RBFOX3: variants seen among roughly 807,000 people sequenced by gnomAD.
The protein encoded by RBFOX3 is RNA binding protein fox-1 homolog 3.
Under a neutral mutation model 48.7 loss-of-function variants are expected in RBFOX3, and 17 were observed. The observed-to-expected ratio is 0.35, with a 90% CI of 0.24 to 0.52. RBFOX3 has a LOEUF of 0.52. Ranked by LOEUF, RBFOX3 falls within the 20% of genes least tolerant of loss-of-function variation. The pLI is 0.94. For synonymous variants in RBFOX3, 212 were observed against 209.5 expected (o/e 1.01, Z -0.10); for missense variants, 382 against 497.5 (o/e 0.77, Z 2.21).
At chr17:79,354,942 C>T (rs1048109687) in intron 2 of RBFOX3, among the ~76,000 whole-genome samples, 3 of 152,184 alleles carry the variant, frequency 2.0e-5, no homozygotes, top group East Asian at 1.9e-4. Context: ...GCACTTGGTT[C>T]GGCGTCAGCT....
intron 3 of RBFOX3, among the ~76,000 whole-genome samples, chr17:79,256,871 G>A (rs560359486): frequency 8.6e-5 from 13 of 151,946 alleles, no homozygotes; most frequent in South Asian, 2.1e-4. Flanking sequence ...GCAGTGAGCC[G>A]AGATTGTGCC....
chr17:79,209,110 C>T (rs553340552), intron 4 of RBFOX3, among the ~76,000 whole-genome samples: 5 of 152,352 alleles, frequency 3.3e-5, no homozygotes, highest in South Asian at 2.1e-4. Context: ...TGAGCCACCA[C>T]GCCCGGCCCC....
chr17:79,517,809 G>T (rs2085472554), intron 1 of RBFOX3, among the ~76,000 whole-genome samples: 1 of 152,166 alleles, frequency 6.6e-6, no homozygotes, highest in Admixed American at 6.5e-5. Flanking sequence ...TGAGACACAT[G>T]ATCTCCATCC....
chr17:79,450,211 G>T (rs2073213507), intron 2 of RBFOX3, among the ~76,000 whole-genome samples: 1 of 152,220 alleles, frequency 6.6e-6, no homozygotes, highest in Non-Finnish European at 1.5e-5. Flanking sequence ...ACTGTGGACT[G>T]CCCTCCCGCC....
chr17:79,332,867 A>G (rs1026770303), intron 2 of RBFOX3, among the ~76,000 whole-genome samples: 5 of 151,898 alleles, frequency 3.3e-5, no homozygotes, highest in Admixed American at 2.6e-4. Flanking sequence ...AGAGAGAGAC[A>G]GAAAAACAGA....
At chr17:79,467,997 C>CGTCAT (rs2076542190) in intron 2 of RBFOX3, among the ~76,000 whole-genome samples, 1 of 152,072 alleles carries the variant, frequency 6.6e-6, no homozygotes, top group African/African-American at 2.4e-5. Context: ...CCGAGGCAGA[C>CGTCAT]GTCATGCCTC....
intron 4 of RBFOX3, among the ~76,000 whole-genome samples, chr17:79,137,831 C>G (rs2040606343): frequency 6.6e-6 from 1 of 152,208 alleles, no homozygotes; most frequent in Non-Finnish European, 1.5e-5. Context: ...CACACTCTGC[C>G]TTCTCAGCAC....
chr17:79,415,415 T>C (rs2065179500), intron 2 of RBFOX3, among the ~76,000 whole-genome samples: 1 of 152,170 alleles, frequency 6.6e-6, no homozygotes, highest in Non-Finnish European at 1.5e-5. Flanking sequence ...AAGGGGGCAC[T>C]GTGCACCCCT....
At chr17:79,439,120 C>T (rs1023563792) in intron 2 of RBFOX3, among the ~76,000 whole-genome samples, 4 of 152,284 alleles carry the variant, frequency 2.6e-5, no homozygotes, top group East Asian at 1.9e-4. Context: ...CAGGGCCCGG[C>T]GTGATAAATA....
chr17:79,130,671 T>C (rs1195511762), intron 4 of RBFOX3, among the ~76,000 whole-genome samples: 2 of 152,252 alleles, frequency 1.3e-5, no homozygotes, highest in Non-Finnish European at 2.9e-5. Context: ...GGCCTCGGCA[T>C]GCAGCCTGCT....
intron 3 of RBFOX3, among the ~76,000 whole-genome samples, chr17:79,267,872 G>A (rs916823086): frequency 2.0e-5 from 3 of 152,174 alleles, no homozygotes; most frequent in Non-Finnish European, 2.9e-5. Flanking sequence ...CTAGGAACGC[G>A]CAAGGCAGAG....
At position 79,356,348 on chromosome 17, in the gene RBFOX3, G is replaced by GTTTTTTTTTTTTTT. The variant is rs58040659; in HGVS notation, c.-174-48538_-174-48525dup. Among the ~76,000 whole-genome samples the GTTTTTTTTTTTTTT allele has an allele frequency of 2.5e-3, 116 of 47,324 alleles. 19 individuals carry two copies. The highest frequency in any genetic ancestry group is 4.7e-3 in the East Asian group (7 of 1,496). 31.0% of individuals were successfully genotyped at this position (47,324 alleles called of 152,430 possible). A position where few individuals can be genotyped will look rare whatever the true frequency, so the allele number is the denominator to read the frequency against. The stretch of plus-strand genomic sequence containing the variant: ...ACTTTTTCACTTTTAAAACAGGGAA[G>GTTTTTTTTTTTTTT]TTTTTTTTTTTTTTTTTTTTTTTTT... On this transcript the variant is annotated intron_variant, in intron 2 of 14. Coordinates refer to ENST00000693108, the MANE Select transcript of RBFOX3 (RefSeq NM_001350451.2).
At chr17:79,213,709 C>T (rs1023062301) in intron 4 of RBFOX3, among the ~76,000 whole-genome samples, 7 of 152,254 alleles carry the variant, frequency 4.6e-5, no homozygotes, top group African/African-American at 1.4e-4. Context: ...ATCCACTCGG[C>T]ACCGCCAACA....
chr17:79,189,199 C>A (rs550095791), intron 4 of RBFOX3, among the ~76,000 whole-genome samples: 3 of 152,230 alleles, frequency 2.0e-5, no homozygotes, highest in East Asian at 1.9e-4. Flanking sequence ...TTTCAAAGAG[C>A]CTTCATGTAT....
At position 79,443,959 on chromosome 17, in the gene RBFOX3, G is replaced by C. The variant is rs2071696328; in HGVS notation, c.-175+38495C>G. ...CGTGACACTTCATCTCATGGTGCCTGAGACAGGCACTGCCATCCCTCTTCC... is the reference window on the plus strand; with the variant it reads ...CGTGACACTTCATCTCATGGTGCCTCAGACAGGCACTGCCATCCCTCTTCC... On this transcript the variant is annotated intron_variant, in intron 2 of 14. Coordinates refer to ENST00000693108, the MANE Select transcript of RBFOX3 (RefSeq NM_001350451.2). This position sits in a 1 kb window ranked among gnomAD's most constrained non-coding sequence, Gnocchi z 4.4. Among the ~76,000 whole-genome samples the C allele has an allele frequency of 6.6e-6, 1 of 152,156 alleles. No individual in the cohort carries two copies. The highest frequency in any genetic ancestry group is 6.5e-5 in the Admixed American group (1 of 15,278).
intron 2 of RBFOX3, among the ~76,000 whole-genome samples, chr17:79,342,295 T>A (rs923980242): frequency 6.6e-6 from 1 of 152,262 alleles, no homozygotes; most frequent in Non-Finnish European, 1.5e-5. Flanking sequence ...AACCGCCTTT[T>A]CTTTTTCCCA....
intron 4 of RBFOX3, among the ~76,000 whole-genome samples, chr17:79,186,818 G>T (rs1309395832): frequency 6.6e-6 from 1 of 152,260 alleles, no homozygotes; most frequent in African/African-American, 2.4e-5. Context: ...CACCTCAGAA[G>T]GTTCCGATGG....
intron 1 of RBFOX3, among the ~76,000 whole-genome samples, chr17:79,489,485 G>A (rs2080169334): frequency 6.6e-6 from 1 of 152,082 alleles, no homozygotes; most frequent in Non-Finnish European, 1.5e-5. Context: ...TGTAGAGATG[G>A]GCTTTCACCA....
At chr17:79,384,440 G>A (rs1395841815) in intron 2 of RBFOX3, among the ~76,000 whole-genome samples, 2 of 152,144 alleles carry the variant, frequency 1.3e-5, no homozygotes, top group African/African-American at 2.4e-5. Context: ...TGGCCCAAGA[G>A]TGTTCTTGCA....
Sources: gnomAD v4.1 joint callset for allele counts (sites outside exome capture counted in the v4.1 genomes callset) on GRCh38, gnomAD v4.1.1 for gene constraint, Gnocchi (gnomAD v3.1) non-coding constraint, MANE v1.5 for transcripts, NCBI Gene and HGNC (gene_info 2026-07-23, HGNC 2026-07-21) for gene names.